Variants in NRXN3 observed in about 807,000 individuals in gnomAD.
NRXN3 encodes neurexin 3, also known as neurexin III.
In NRXN3, 32 loss-of-function variants were observed where a neutral mutation model predicts 137.6. The observed-to-expected ratio is 0.23, with a 90% CI of 0.18 to 0.31. The LOEUF (loss-of-function observed/expected upper bound fraction) is 0.31, where lower values mean the gene tolerates loss of function less well. Among genes scored for constraint, NRXN3 ranks in the 10% least tolerant of loss-of-function variants. NRXN3 has a pLI of 1.00. For synonymous variants in NRXN3, 798 were observed against 784.5 expected (o/e 1.02, Z -0.29); for missense variants, 1,574 against 2,062.5 (o/e 0.76, Z 4.59).
intron 16 of NRXN3, among the ~76,000 whole-genome samples, chr14:79,531,751 G>A (rs1309963345): frequency 6.6e-6 from 1 of 152,082 alleles, no homozygotes; most frequent in Non-Finnish European, 1.5e-5. Flanking sequence ...ATACTATTTG[G>A]GAGCAGAAGT....
At chr14:79,632,802 A>G (rs186056005) in intron 16 of NRXN3, among the ~76,000 whole-genome samples, 272 of 152,260 alleles carry the variant, frequency 1.8e-3, no homozygotes, top group Non-Finnish European at 3.1e-3. Context: ...CAATTTCTCA[A>G]GACTAAACAC....
At chr14:78,948,628 C>CTTTTT (rs201010514) in intron 10 of NRXN3, among the ~76,000 whole-genome samples, 4 of 108,600 alleles carry the variant, frequency 3.7e-5, no homozygotes, top group South Asian at 3.0e-4. Context: ...ACACATTTAA[C>CTTTTT]TTTTTTTTTT....
intron 15 of NRXN3, among the ~76,000 whole-genome samples, chr14:79,371,025 G>A (rs573364321): frequency 1.4e-4 from 21 of 152,258 alleles, no homozygotes; most frequent in Middle Eastern, 3.4e-3. Context: ...CAGCTAATGA[G>A]ACTTAGTGCC....
intron 19 of NRXN3, among the ~76,000 whole-genome samples, chr14:79,765,946 G>A (rs1309324098): frequency 6.6e-6 from 1 of 152,136 alleles, no homozygotes; most frequent in Non-Finnish European, 1.5e-5. Context: ...CTCCACACAT[G>A]TGCATTGACA....
chr14:79,596,203 G>A (rs1466978439), intron 16 of NRXN3, among the ~76,000 whole-genome samples: 2 of 152,106 alleles, frequency 1.3e-5, no homozygotes, highest in African/African-American at 2.4e-5. Flanking sequence ...GGGGAGAGGT[G>A]AGCTGATAGT....
At position 79,628,611 on chromosome 14, in the gene NRXN3, G is replaced by A. The variant is rs139776526; in HGVS notation, c.3445-35167G>A. On this transcript the variant is annotated intron_variant, in intron 16 of 20. Transcript: ENST00000335750. Reference sequence around the variant, plus strand: ...TGTTCTATGGCACTTTCAGAAGCTCGAGAATACCTTGGCAGAGCCAAGCCT... The same window carrying A: ...TGTTCTATGGCACTTTCAGAAGCTCAAGAATACCTTGGCAGAGCCAAGCCT... Among the ~76,000 whole-genome samples, 30 of 152,256 alleles carry A rather than the reference G, an allele frequency of 2.0e-4. No individual in the cohort carries two copies. In the East Asian group the frequency reaches 5.4e-3, roughly 28 times the overall value.
chr14:79,524,161 T>TGTGG (rs2097096844), intron 16 of NRXN3, among the ~76,000 whole-genome samples: 1 of 152,122 alleles, frequency 6.6e-6, no homozygotes, highest in South Asian at 2.1e-4. Context: ...GAAAACAGGA[T>TGTGG]GTGGGATGTT....
intron 15 of NRXN3, among the ~76,000 whole-genome samples, chr14:79,028,622 T>A (rs1454307195): frequency 1.3e-5 from 2 of 152,072 alleles, no homozygotes; most frequent in Non-Finnish European, 2.9e-5. Context: ...AAATGACTGG[T>A]GTTTGGGAAA....
intron 4 of NRXN3, among the ~76,000 whole-genome samples, chr14:78,317,921 C>T (rs2078901511): frequency 6.6e-6 from 1 of 152,164 alleles, no homozygotes; most frequent in Non-Finnish European, 1.5e-5. Flanking sequence ...TGGTTTTCCT[C>T]CTACAGTATA....
chr14:79,857,944 A>G (rs776384019), intron 20 of NRXN3, among the ~76,000 whole-genome samples: 17 of 152,210 alleles, frequency 1.1e-4, no homozygotes, highest in Non-Finnish European at 1.0e-4. Flanking sequence ...GAGATTAATA[A>G]CAAAATGGCA....
chr14:79,747,256 C>G (rs2098982551), intron 19 of NRXN3, among the ~76,000 whole-genome samples: 1 of 152,032 alleles, frequency 6.6e-6, no homozygotes, highest in Non-Finnish European at 1.5e-5. Flanking sequence ...TTCTGGAGCA[C>G]TCTGCCACTA....
chr14:79,362,208 G>A (rs1460403708), intron 15 of NRXN3, among the ~76,000 whole-genome samples: 1 of 151,498 alleles, frequency 6.6e-6, no homozygotes, highest in Non-Finnish European at 1.5e-5. Flanking sequence ...GTGCAGGATT[G>A]TTACATATGT....
intron 15 of NRXN3, among the ~76,000 whole-genome samples, chr14:79,295,659 A>T (rs761927116): frequency 2.0e-5 from 3 of 152,170 alleles, no homozygotes; most frequent in Non-Finnish European, 4.4e-5. Flanking sequence ...TAAATGGCAT[A>T]GATGCTTCAC....
chr14:79,859,319 T>C (rs1247403967), intron 20 of NRXN3, among the ~76,000 whole-genome samples: 1 of 152,144 alleles, frequency 6.6e-6, no homozygotes, highest in African/African-American at 2.4e-5. Context: ...AGGGAGAGAA[T>C]AAAGGCTTCT....
intron 6 of NRXN3, among the ~76,000 whole-genome samples, chr14:78,653,710 T>TACACACACAC (rs10650669): frequency 0.023 from 3,263 of 142,968 alleles, 44 homozygotes; most frequent in African/African-American, 0.037. Flanking sequence ...GAAAATAAAA[T>TACACACACAC]ACACACACAC....
intron 15 of NRXN3, among the ~76,000 whole-genome samples, chr14:79,149,730 A>C (rs767502788): frequency 6.6e-6 from 1 of 152,112 alleles, no homozygotes; most frequent in Non-Finnish European, 1.5e-5. Flanking sequence ...GCTGGAAGCC[A>C]TTATCCTCAG....
At chr14:78,517,166 G>A (rs565588793) in intron 4 of NRXN3, among the ~76,000 whole-genome samples, 1 of 151,952 alleles carries the variant, frequency 6.6e-6, no homozygotes, top group East Asian at 1.9e-4. Flanking sequence ...TTTCTCATGG[G>A]GTGAATGAAA....
At chr14:79,231,730 GTTGTTTAGC>G (rs1176012738) in intron 15 of NRXN3, among the ~76,000 whole-genome samples, 2 of 152,126 alleles carry the variant, frequency 1.3e-5, no homozygotes, top group African/African-American at 4.8e-5. Context: ...CTTATTACCA[GTTGTTTAGC>G]TTGTCTTAGA....
intron 15 of NRXN3, among the ~76,000 whole-genome samples, chr14:79,214,329 A>G (rs1475940950): frequency 6.6e-6 from 1 of 152,210 alleles, no homozygotes; most frequent in Non-Finnish European, 1.5e-5. Flanking sequence ...CCAAACATTG[A>G]AGGAAGTCAA....
Sources: gnomAD v4.1 joint callset for allele counts (sites outside exome capture counted in the v4.1 genomes callset) on GRCh38, gnomAD v4.1.1 for gene constraint, MANE v1.5 for transcripts, NCBI Gene and HGNC (gene_info 2026-07-23, HGNC 2026-07-21) for gene names.